DDX52: variants seen among roughly 807,000 people sequenced by gnomAD.
DDX52 encodes the protein probable ATP-dependent RNA helicase DDX52.
A neutral mutation model predicts 76.1 loss-of-function variants in DDX52; 59 were observed. The ratio of observed to expected loss-of-function variants is 0.78; its 90% CI spans 0.63 to 0.96. The LOEUF (loss-of-function observed/expected upper bound fraction) is 0.96. Among genes scored for constraint, DDX52 ranks in the 40% least tolerant of loss-of-function variants. The pLI, the probability that DDX52 is intolerant of heterozygous loss-of-function variation, is 0.00. For synonymous variants in DDX52, 231 were observed against 244.1 expected (o/e 0.95, Z 0.50); for missense variants, 707 against 703.9 (o/e 1.00, Z -0.05).
intron 3 of DDX52, among the ~76,000 whole-genome samples, chr17:37,632,958 C>A (rs550937344): frequency 1.3e-5 from 2 of 152,290 alleles, no homozygotes; most frequent in South Asian, 4.1e-4. Context: ...GTGAGCTCAA[C>A]AGAGAAGAAA....
At chr17:37,618,765 G>A (rs1283458464) in intron 13 of DDX52, among the ~76,000 whole-genome samples, 2 of 152,138 alleles carry the variant, frequency 1.3e-5, no homozygotes, top group Non-Finnish European at 2.9e-5. Flanking sequence ...GATTACAGGC[G>A]TGAGCTACCA....
Position 37,635,460 on chromosome 17 carries a change from A to G in DDX52, c.287-2042T>C, listed in dbSNP as rs946048026. The G allele has an allele frequency of 1.2e-4, 44 of 354,726 alleles. 1 individual carries two copies. The Admixed American group carries it at 1.6e-3, about 13-fold the overall frequency. The allele number at this position is 354,726 out of a possible 1,614,324, so 22.0% of individuals were successfully genotyped here. A position where few individuals can be genotyped will look rare whatever the true frequency, so the allele number is the denominator to read the frequency against. On this transcript the variant is annotated intron_variant, in intron 2 of 14. Transcript: ENST00000617633. ...TCTGGAATTTTATATAAACGGAATC[A>G]TGTCATATGTACTAATTTTTGTCTG...
chr17:37,614,478 G>T, intron 14 of DDX52, 125 bp from the exon 15 acceptor site: 1 of 872,104 alleles, frequency 1.1e-6, no homozygotes, highest in Non-Finnish European at 1.7e-6. Context: ...GAGGCACTAG[G>T]AACACAAAGA....
At chr17:37,616,460 T>C (rs1323519233) in intron 14 of DDX52, among the ~76,000 whole-genome samples, 3 of 152,006 alleles carry the variant, frequency 2.0e-5, no homozygotes, top group Non-Finnish European at 2.9e-5. Flanking sequence ...CGAGACCATC[T>C]TGGCCAACAT....
At chr17:37,626,326 G>A (rs1365937245) in intron 7 of DDX52, among the ~76,000 whole-genome samples, 1 of 152,138 alleles carries the variant, frequency 6.6e-6, no homozygotes, top group African/African-American at 2.4e-5. Context: ...TGTTGAGGGA[G>A]GGACCTGGTG....
In DDX52 at chr17:37,626,184, G is replaced by A. The variant is rs147670905; in HGVS notation, c.933-86C>T. 1.1e-3 allele frequency: 1,540 copies of A among 1,395,144 alleles called. 27 individuals are homozygous for A. In the East Asian group the frequency reaches 0.028, roughly 25 times the overall value. The allele number at this position is 1,395,144 out of a possible 1,614,324, so 86.4% of individuals were successfully genotyped here. On this transcript the variant is annotated intron_variant, in intron 7 of 14. Transcript: ENST00000617633. ...ACTGTGGGGACAGTGGACACATGAG[G>A]AAGTCAAACTATAATGCTGCTTCTC...
At chr17:37,638,915 G>T (rs748774968) in intron 2 of DDX52, among the ~76,000 whole-genome samples, 1 of 151,694 alleles carries the variant, frequency 6.6e-6, no homozygotes, top group Non-Finnish European at 1.5e-5. Flanking sequence ...GATTACAGGC[G>T]TGCACCACCA....
At chr17:37,633,912 G>A (rs1459333756) in intron 2 of DDX52, among the ~76,000 whole-genome samples, 1 of 150,028 alleles carries the variant, frequency 6.7e-6, no homozygotes. Flanking sequence ...TAATTGAAAA[G>A]CAACTTAAAC....
chr17:37,625,826 T>C, intron 8 of DDX52, 69 bp downstream of exon 8: 1 of 1,556,944 alleles, frequency 6.4e-7, no homozygotes. Flanking sequence ...CCTATCTCCT[T>C]CAGTCTTTAA....
intron 2 of DDX52, among the ~76,000 whole-genome samples, chr17:37,639,865 T>C (rs2031106346): frequency 6.6e-6 from 1 of 152,224 alleles, no homozygotes; most frequent in Non-Finnish European, 1.5e-5. Context: ...ATTTGAATCC[T>C]TTTCCTAAGT....
chr17:37,640,213 C>T (rs898386203), intron 2 of DDX52, among the ~76,000 whole-genome samples: 1 of 152,182 alleles, frequency 6.6e-6, no homozygotes. Flanking sequence ...AAAACTACAA[C>T]AGCAAAAATG....
chr17:37,625,959 A>G lies in DDX52; in HGVS notation c.1072T>C (p.Tyr358His). ...RRAMFSATFA[Y>H]DVEQWCKLNL... ...AGTTTGCACCACTGTTCAACATCAT[A>G]TGCAAAAGTTGCACTGAACATAGCT... The change falls in exon 8 of 15, where the codon TAT (tyrosine) becomes CAT (histidine). Residue 358 changes from tyrosine (Y) to histidine (H), a missense_variant. Coordinates refer to ENST00000617633, the MANE Select transcript of DDX52 (RefSeq NM_007010.5). 6.2e-7 allele frequency: 1 copy of G among 1,614,202 alleles called. No individual in the cohort carries two copies. The highest frequency in any genetic ancestry group is 8.5e-7 in the Non-Finnish European group (1 of 1,180,032).
chr17:37,633,078 T>A lies in DDX52; in HGVS notation c.417+210A>T, dbSNP rs537140286. ...GAGCAGGTCAAGAATTTTATATATGTATCAGCAATTTAAACTTTAAAATGT... is the reference window on the plus strand; with the variant it reads ...GAGCAGGTCAAGAATTTTATATATGAATCAGCAATTTAAACTTTAAAATGT... On this transcript the variant is annotated intron_variant, in intron 3 of 14. Transcript: ENST00000617633. Among the ~76,000 whole-genome samples, 16 of 152,354 alleles carry A rather than the reference T, an allele frequency of 1.1e-4. 1 individual carries two copies. In the South Asian group the frequency reaches 3.3e-3, roughly 32 times the overall value.
intron 2 of DDX52, among the ~76,000 whole-genome samples, chr17:37,640,998 A>C (rs1303847544): frequency 6.6e-6 from 1 of 151,950 alleles, no homozygotes; most frequent in African/African-American, 2.4e-5. Flanking sequence ...GCAAACAAAC[A>C]AACAACAAAA....
At position 37,633,437 on chromosome 17, in the gene DDX52, A is replaced by C. The variant is rs1568607921; in HGVS notation, c.287-19T>G. ...GCAATTTCTAAAATATATTTTTAAA[A>C]AGTAAAAGATTTTAACAGTCTAGGC... On this transcript the variant is annotated intron_variant, in intron 2 of 14. Transcript: ENST00000617633. 6.5e-7 allele frequency: 1 copy of C among 1,537,438 alleles called. No homozygotes were observed. The highest frequency in any genetic ancestry group is 2.3e-5 in the East Asian group (1 of 42,882).
intron 2 of DDX52, among the ~76,000 whole-genome samples, chr17:37,633,985 G>A (rs1187603075): frequency 3.0e-5 from 4 of 134,856 alleles, no homozygotes; most frequent in African/African-American, 8.6e-5. Flanking sequence ...TTGCTCTGTC[G>A]CCCAGGCTGA....
At chr17:37,639,357 A>G (rs1317176843) in intron 2 of DDX52, 1 of 984,578 alleles carries the variant, frequency 1.0e-6, no homozygotes, top group Non-Finnish European at 1.2e-6. Flanking sequence ...AACTTTAAAA[A>G]AATTTTGTTC....
chr17:37,620,829 G>T, intron 12 of DDX52, 44 bp downstream of exon 12: 1 of 1,534,534 alleles, frequency 6.5e-7, no homozygotes, highest in Non-Finnish European at 8.8e-7. Flanking sequence ...TAAGAATAAT[G>T]AAGCAATTTT....
Position 37,630,096 on chromosome 17 carries a change from C to T in DDX52, c.681G>A (p.Leu227=). The T allele has an allele frequency of 5.0e-6, 8 of 1,614,022 alleles. No individual in the cohort carries two copies. Among genetic ancestry groups the T allele is most frequent in the Non-Finnish European group, 5.9e-6 (7 of 1,180,004 alleles). Residue 227 remains leucine (L), a synonymous_variant, in exon 5 of 15, where the codon CTG becomes CTA. Transcript: ENST00000617633. ...TGAAGCCTTTATTTGCGGGTTGTTT[C>T]AGCTGCATTAAAATAGGAATGCTAA... ...LAFSIPILMQ[L]KQPANKGFRA... is the part of the protein sequence containing the mutation.
Sources: gnomAD v4.1 joint callset for allele counts (sites outside exome capture counted in the v4.1 genomes callset) on GRCh38, gnomAD v4.1.1 for gene constraint, MANE v1.5 for transcripts, NCBI Gene and HGNC (gene_info 2026-07-23, HGNC 2026-07-21) for gene names.